The following MEIKIN variants were observed in gnomAD, a reference collection of about 807,000 sequenced individuals.
The protein encoded by MEIKIN is meiotic kinetochore factor, also known as meiosis-specific kinetochore protein.
chr5:131,926,838 TTTTG>T (rs1336097057), intron 5 of MEIKIN, among the ~76,000 whole-genome samples: 1 of 152,194 alleles, frequency 6.6e-6, no homozygotes, highest in East Asian at 1.9e-4. Context: ...TCATGATTAT[TTTTG>T]TTTCTGTGGC....
At chr5:131,846,373 A>G (rs1361941266) in intron 11 of MEIKIN, among the ~76,000 whole-genome samples, 1 of 152,224 alleles carries the variant, frequency 6.6e-6, no homozygotes, top group African/African-American at 2.4e-5. Flanking sequence ...GGGCAATTAT[A>G]AAAGCTACTA....
At chr5:131,936,765 T>C (rs896273355) in intron 4 of MEIKIN, among the ~76,000 whole-genome samples, 1 of 152,040 alleles carries the variant, frequency 6.6e-6, no homozygotes, top group African/African-American at 2.4e-5. Context: ...TGGCTACTTT[T>C]TCGTACTTTT....
At chr5:131,811,842 C>T (rs1018504929) in intron 12 of MEIKIN, among the ~76,000 whole-genome samples, 15 of 152,164 alleles carry the variant, frequency 9.9e-5, no homozygotes, top group African/African-American at 3.6e-4. Context: ...TCCTGACCCG[C>T]CTGGGCCTCC....
chr5:131,833,486 T>C (rs1749747536), intron 11 of MEIKIN, among the ~76,000 whole-genome samples: 1 of 152,256 alleles, frequency 6.6e-6, no homozygotes, highest in Non-Finnish European at 1.5e-5. Context: ...TTCCAACTTC[T>C]GCCTGATACC....
intron 5 of MEIKIN, among the ~76,000 whole-genome samples, chr5:131,931,246 G>A (rs1408654622): frequency 6.6e-6 from 1 of 152,164 alleles, no homozygotes; most frequent in Non-Finnish European, 1.5e-5. Context: ...TGTGACAGAA[G>A]GTAGTCCCAA....
intron 11 of MEIKIN, among the ~76,000 whole-genome samples, chr5:131,827,737 A>T (rs992384267): frequency 6.6e-6 from 1 of 152,216 alleles, no homozygotes; most frequent in Non-Finnish European, 1.5e-5. Context: ...AAATTTATAG[A>T]TCTATAGGAA....
intron 11 of MEIKIN, among the ~76,000 whole-genome samples, chr5:131,826,684 T>C (rs1355366583): frequency 2.0e-5 from 3 of 152,132 alleles, no homozygotes; most frequent in African/African-American, 7.2e-5. Context: ...GCTGTTCTTG[T>C]GATAGTGAGT....
intron 5 of MEIKIN, among the ~76,000 whole-genome samples, chr5:131,926,152 C>T (rs55737254): frequency 0.027 from 4,035 of 152,248 alleles, 188 homozygotes; most frequent in African/African-American, 0.092. Flanking sequence ...TTTTTTACTA[C>T]TGAGTATGAT....
chr5:131,913,221 A>G (rs1489536913), intron 7 of MEIKIN, among the ~76,000 whole-genome samples: 1 of 152,104 alleles, frequency 6.6e-6, no homozygotes, highest in Non-Finnish European at 1.5e-5. Context: ...GCTGCTTTTG[A>G]GTGAGGTTAC....
chr5:131,809,829 AAAAC>A (rs1772919292), intron 12 of MEIKIN, among the ~76,000 whole-genome samples: 2 of 151,922 alleles, frequency 1.3e-5, no homozygotes, highest in African/African-American at 4.8e-5. Context: ...CAAAAAAAAA[AAAAC>A]AAACAAAACC....
chr5:131,845,832 G>C (rs536503634), intron 11 of MEIKIN, among the ~76,000 whole-genome samples: 1 of 152,208 alleles, frequency 6.6e-6, no homozygotes, highest in East Asian at 1.9e-4. Flanking sequence ...TATTGTGAAA[G>C]TCCCAGAAGG....
rs114903181 is a variant in MEIKIN, at chr5:131,934,332, T to C, written c.350-691A>G. The stretch of plus-strand genomic sequence containing the variant: ...TAGCTGAGGAAAGGGTGATTCTAGT[T>C]ATTTCATCTAAAAAACAATGAGCCT... On this transcript the variant is annotated intron_variant, in intron 4 of 12. Coordinates refer to ENST00000442687, the MANE Select transcript of MEIKIN (RefSeq NM_001303622.2). Among the ~76,000 whole-genome samples the C allele has an allele frequency of 5.1e-3, 777 of 152,210 alleles. 4 individuals are homozygous for C. Among genetic ancestry groups the C allele is most frequent in the African/African-American group, 0.017 (712 of 41,528 alleles).
At chr5:131,906,400 CT>C (rs1751243031) in intron 8 of MEIKIN, among the ~76,000 whole-genome samples, 2 of 152,204 alleles carry the variant, frequency 1.3e-5, no homozygotes, top group South Asian at 4.1e-4. Flanking sequence ...AAACAGAATG[CT>C]TATATACTGT....
At chr5:131,862,460 T>C (rs1428212817) in intron 9 of MEIKIN, among the ~76,000 whole-genome samples, 1 of 152,210 alleles carries the variant, frequency 6.6e-6, no homozygotes, top group African/African-American at 2.4e-5. Context: ...CTGATCATTA[T>C]TATTTTCTTC....
chr5:131,938,983 A>G (rs1751827759), intron 4 of MEIKIN, among the ~76,000 whole-genome samples: 1 of 152,262 alleles, frequency 6.6e-6, no homozygotes, highest in East Asian at 1.9e-4. Context: ...TCCTGGGGAC[A>G]GAAACTTCCA....
intron 7 of MEIKIN, among the ~76,000 whole-genome samples, 190 bp downstream of exon 7, chr5:131,916,696 G>C (rs1751419859): frequency 6.6e-6 from 1 of 152,196 alleles, no homozygotes; most frequent in African/African-American, 2.4e-5. Flanking sequence ...GCTGAGGGCA[G>C]AGATTTCGTT....
At chr5:131,935,520 A>G (rs1414590622) in intron 4 of MEIKIN, among the ~76,000 whole-genome samples, 1 of 152,144 alleles carries the variant, frequency 6.6e-6, no homozygotes, top group Non-Finnish European at 1.5e-5. Context: ...AAAAGGGAAA[A>G]TGTGCTCTGC....
chr5:131,933,719 G>A, intron 4 of MEIKIN, 78 bp from the exon 5 acceptor site: 1 of 393,186 alleles, frequency 2.5e-6, no homozygotes, highest in African/African-American at 2.1e-5. Context: ...GAAATGTATG[G>A]AAATGTACAT....
intron 6 of MEIKIN, among the ~76,000 whole-genome samples, chr5:131,920,697 A>ATTT (rs59138710): frequency 7.0e-5 from 10 of 142,148 alleles, no homozygotes; most frequent in Non-Finnish European, 6.2e-5. Flanking sequence ...GCATAACTTC[A>ATTT]TTTTTTTTTT....
Sources: allele counts gnomAD v4.1 joint callset (sites outside exome capture counted in the v4.1 genomes callset), GRCh38; gene constraint gnomAD v4.1.1; transcripts MANE v1.5; gene names NCBI Gene and HGNC (gene_info 2026-07-23, HGNC 2026-07-21).